The following GBE1 variants were observed in gnomAD, a reference collection of about 807,000 sequenced individuals.
GBE1 encodes 1,4-alpha-glucan branching enzyme 1.
A neutral mutation model predicts 88.8 loss-of-function variants in GBE1; 70 were observed. The ratio of observed to expected loss-of-function variants is 0.79; its 90% CI spans 0.65 to 0.96. The LOEUF (loss-of-function observed/expected upper bound fraction) is 0.96, where lower values mean the gene tolerates loss of function less well. Ranked by LOEUF, GBE1 falls within the 40% of genes least tolerant of loss-of-function variation. The pLI, the probability that GBE1 is intolerant of heterozygous loss-of-function variation, is 0.00. For synonymous variants in GBE1, 284 were observed against 300.1 expected (o/e 0.95, Z 0.56); for missense variants, 872 against 871.0 (o/e 1.00, Z -0.01).
intron 15 of GBE1, among the ~76,000 whole-genome samples, chr3:81,497,254 A>G (rs1393663127): frequency 1.3e-5 from 2 of 152,170 alleles, no homozygotes; most frequent in African/African-American, 4.8e-5. Flanking sequence ...GCCGTCGCCT[A>G]AGAAGATCAT....
chr3:81,653,557 T>G (rs1457189509), intron 3 of GBE1, among the ~76,000 whole-genome samples: 1 of 152,090 alleles, frequency 6.6e-6, no homozygotes, highest in Non-Finnish European at 1.5e-5. Context: ...AAAGCTTGCC[T>G]CATGGAAACA....
chr3:81,602,056 T>C (rs1704040112), intron 7 of GBE1, among the ~76,000 whole-genome samples: 1 of 151,880 alleles, frequency 6.6e-6, no homozygotes, highest in African/African-American at 2.4e-5. Context: ...AATATGGGAG[T>C]ATGAGACTGT....
At chr3:81,689,680 G>A (rs1210756401) in intron 2 of GBE1, among the ~76,000 whole-genome samples, 1 of 152,118 alleles carries the variant, frequency 6.6e-6, no homozygotes, top group Non-Finnish European at 1.5e-5. Flanking sequence ...CCACCATTTT[G>A]AACTAAGCCT....
At chr3:81,588,822 G>C (rs1247971431) in intron 9 of GBE1, among the ~76,000 whole-genome samples, 7 of 152,072 alleles carry the variant, frequency 4.6e-5, no homozygotes, top group Non-Finnish European at 8.8e-5. Context: ...ACTGATCAAA[G>C]CCTTCTTCTA....
intron 14 of GBE1, among the ~76,000 whole-genome samples, chr3:81,506,009 G>A (rs1702648669): frequency 6.6e-6 from 1 of 152,038 alleles, no homozygotes; most frequent in African/African-American, 2.4e-5. Flanking sequence ...CAGGACACAG[G>A]CGAGGGCAAA....
At chr3:81,506,573 T>C (rs183216900) in intron 14 of GBE1, among the ~76,000 whole-genome samples, 1 of 152,262 alleles carries the variant, frequency 6.6e-6, no homozygotes, top group East Asian at 1.9e-4. Context: ...ACAGGGTACA[T>C]ACTCAAAGGA....
intron 15 of GBE1, among the ~76,000 whole-genome samples, chr3:81,491,171 C>G (rs1481937499): frequency 6.6e-6 from 1 of 152,182 alleles, no homozygotes; most frequent in East Asian, 1.9e-4. Context: ...CACTCTTTGC[C>G]TTGCTGGTTC....
chr3:81,655,489 A>G (rs1326422578), intron 3 of GBE1, among the ~76,000 whole-genome samples: 2 of 151,952 alleles, frequency 1.3e-5, no homozygotes, highest in Non-Finnish European at 2.9e-5. Flanking sequence ...CTGAATCCCG[A>G]AGAAATAAAT....
intron 5 of GBE1, among the ~76,000 whole-genome samples, chr3:81,647,401 G>A (rs752548130): frequency 6.6e-6 from 1 of 151,998 alleles, no homozygotes; most frequent in Non-Finnish European, 1.5e-5. Flanking sequence ...ATCTGAATAT[G>A]TTTTGCTCTA....
intron 7 of GBE1, among the ~76,000 whole-genome samples, chr3:81,597,189 A>T (rs1198529902): frequency 6.6e-6 from 1 of 151,896 alleles, no homozygotes; most frequent in Non-Finnish European, 1.5e-5. Flanking sequence ...TCAAAATGGC[A>T]TCAAACAGCC....
chr3:81,709,753 G>T (rs1006176563), intron 1 of GBE1, among the ~76,000 whole-genome samples: 1 of 152,134 alleles, frequency 6.6e-6, no homozygotes, highest in African/African-American at 2.4e-5. Flanking sequence ...CTCAAGGTCA[G>T]CCCTACAGCT....
At chr3:81,523,041 G>A (rs1702895254) in intron 14 of GBE1, among the ~76,000 whole-genome samples, 1 of 151,332 alleles carries the variant, frequency 6.6e-6, no homozygotes, top group Non-Finnish European at 1.5e-5. Flanking sequence ...CCCAATTTGT[G>A]TCAAGATTTT....
intron 3 of GBE1, among the ~76,000 whole-genome samples, chr3:81,670,460 C>T (rs547487649): frequency 2.6e-5 from 4 of 152,264 alleles, no homozygotes; most frequent in South Asian, 2.1e-4. Context: ...CAATTTCACC[C>T]GACCTCTTTA....
intron 3 of GBE1, among the ~76,000 whole-genome samples, chr3:81,668,196 A>C (rs962011704): frequency 6.6e-6 from 1 of 152,034 alleles, no homozygotes; most frequent in African/African-American, 2.4e-5. Context: ...GGAGAACAAC[A>C]CACACCAGGG....
At chr3:81,547,184 C>T (rs1169577692) in intron 12 of GBE1, among the ~76,000 whole-genome samples, 1 of 151,374 alleles carries the variant, frequency 6.6e-6, no homozygotes, top group Non-Finnish European at 1.5e-5. Context: ...AGAGTCTCTC[C>T]TAAGACAGAT....
At chr3:81,686,442 AG>A (rs1257403461) in intron 2 of GBE1, among the ~76,000 whole-genome samples, 1 of 152,186 alleles carries the variant, frequency 6.6e-6, no homozygotes, top group African/African-American at 2.4e-5. Context: ...TATTCTGCAT[AG>A]AAAAAATATA....
chr3:81,574,631 G>A (rs1429131601), intron 12 of GBE1, among the ~76,000 whole-genome samples: 1 of 152,062 alleles, frequency 6.6e-6, no homozygotes, highest in Non-Finnish European at 1.5e-5. Flanking sequence ...TCTCAAATTG[G>A]AAATCAGAAG....
chr3:81,632,485 T>G (rs563394538), intron 7 of GBE1, among the ~76,000 whole-genome samples: 24 of 151,996 alleles, frequency 1.6e-4, no homozygotes, highest in Admixed American at 7.2e-4. Flanking sequence ...ATTAGAGAAA[T>G]GCAAATCAAA....
chr3:81,702,817 C>T (rs3772896), intron 2 of GBE1, among the ~76,000 whole-genome samples: 58,808 of 151,772 alleles, frequency 0.39, 11,770 homozygotes, highest in East Asian at 0.52. Flanking sequence ...GTACTTTTAA[C>T]AGTTAAGCAT....
Sources: allele counts gnomAD v4.1 joint callset (sites outside exome capture counted in the v4.1 genomes callset), GRCh38; gene constraint gnomAD v4.1.1; transcripts MANE v1.5; gene names NCBI Gene and HGNC (gene_info 2026-07-23, HGNC 2026-07-21).